TAT: variants seen among roughly 807,000 people sequenced by gnomAD.
TAT encodes the protein tyrosine aminotransferase.
Under a neutral mutation model 53.6 loss-of-function variants are expected in TAT, and 35 were observed. That is an observed-to-expected ratio of 0.65 (90% CI 0.50 to 0.87). The LOEUF (loss-of-function observed/expected upper bound fraction) is 0.87. Ranked by LOEUF, TAT falls within the 40% of genes least tolerant of loss-of-function variation. The probability of loss-of-function intolerance (pLI) is 0.00; values close to 1 mark genes in which losing one functional copy is unlikely to be tolerated. For synonymous variants in TAT, 197 were observed against 206.5 expected, an observed-to-expected ratio of 0.95 and a Z score of 0.39; for missense variants, 525 against 571.8, an observed-to-expected ratio of 0.92 and a Z score of 0.83.
In TAT at chr16:71,572,594, C is replaced by A; in HGVS notation, c.503G>T (p.Gly168Val). The change falls in exon 5 of 12, where the codon GGT (glycine) becomes GTT (valine). Residue 168 changes from glycine to valine, a missense_variant. Gly to Val is a moderately radical substitution (Grantham distance 109, BLOSUM62 -3). Transcript: ENST00000355962. ...PGQNILVPRP[G>V]FSLYKTLAES... Reference sequence around the variant, plus strand: ...AGCCAGAGTCTTGTAGAGAGAGAAACCAGGTCTTGGAACCAGGATGTTTTG... The same window carrying A: ...AGCCAGAGTCTTGTAGAGAGAGAAAACAGGTCTTGGAACCAGGATGTTTTG... The A allele has an allele frequency of 6.2e-7, 1 of 1,614,190 alleles. No homozygotes were observed. Among genetic ancestry groups the A allele is most frequent in the Non-Finnish European group, 8.5e-7 (1 of 1,180,034 alleles).
intron 7 of TAT, 28 bp downstream of exon 7, chr16:71,571,578 G>C: frequency 6.3e-7 from 1 of 1,595,312 alleles, no homozygotes; most frequent in Non-Finnish European, 8.6e-7. Context: ...TGAGATTACT[G>C]TAGTGATATA....
Position 71,571,653 on chromosome 16 carries a change from C to T in TAT, c.712G>A (p.Ala238Thr). 1 of 1,614,106 alleles carries T rather than the reference C, an allele frequency of 6.2e-7. No individual in the cohort carries two copies. Among genetic ancestry groups the T allele is most frequent in the Non-Finnish European group, 8.5e-7 (1 of 1,179,980 alleles). ...GCTAAGATGGGGACACACTGCCGTGCAGCCACTGAAAATAAAACATGCTGA... is the reference window on the plus strand; with the variant it reads ...GCTAAGATGGGGACACACTGCCGTGTAGCCACTGAAAATAAAACATGCTGA... ...RHLQKILAVA[A>T]RQCVPILADE... Residue 238 changes from alanine to threonine, a missense_variant, in exon 7 of 12, where the codon GCA becomes ACA. Physicochemically the swap from Ala to Thr is moderately conservative, Grantham distance 58. Transcript: ENST00000355962.
chr16:71,568,746 C>T lies in TAT; in HGVS notation c.1189G>A (p.Val397Ile). The T allele has an allele frequency of 6.2e-7, 1 of 1,614,048 alleles. No homozygotes were observed. The highest frequency in any genetic ancestry group is 8.5e-7 in the Non-Finnish European group (1 of 1,180,008). Residue 397 changes from valine to isoleucine, a missense_variant, in exon 11 of 12, where the codon GTT (valine) becomes ATT (isoleucine). By Grantham distance (29) the Val-to-Ile change is conservative. Transcript: ENST00000355962. Reference protein sequence around the residue: ...ENDVEFTERLVAEQSVHCLPA... With the variant: ...ENDVEFTERLIAEQSVHCLPA... ...AGGCAGTGGACAGACTGCTCAGCAA[C>T]TAACCGCTCCGTGAACTCCACATCG... is the stretch of plus-strand genomic sequence containing the variant.
At chr16:71,571,123 G>C (rs1241586098) in intron 7 of TAT, among the ~76,000 whole-genome samples, 1 of 152,152 alleles carries the variant, frequency 6.6e-6, no homozygotes, top group Non-Finnish European at 1.5e-5. Flanking sequence ...ACTGTCTATA[G>C]GAGTTACAGA....
chr16:71,570,428 T>C, intron 8 of TAT, 31 bp from the exon 9 acceptor site: 1 of 1,614,170 alleles, frequency 6.2e-7, no homozygotes, highest in Non-Finnish European at 8.5e-7. Flanking sequence ...ACATGTTGTT[T>C]AGCTTTTCTT....
intron 6 of TAT, 48 bp downstream of exon 6, chr16:71,572,138 G>A: frequency 6.2e-7 from 1 of 1,613,286 alleles, no homozygotes; most frequent in African/African-American, 1.3e-5. Context: ...CACAACAGCT[G>A]AAGGATTCTG....
intron 3 of TAT, among the ~76,000 whole-genome samples, chr16:71,574,581 C>CAAAA (rs71389677): frequency 4.5e-3 from 353 of 79,026 alleles, no homozygotes; most frequent in Middle Eastern, 7.4e-3. Flanking sequence ...AACTTCGTCT[C>CAAAA]AAAAAAAAAA....
At chr16:71,571,254 TC>T (rs905678792) in intron 7 of TAT, among the ~76,000 whole-genome samples, 2 of 152,174 alleles carry the variant, frequency 1.3e-5, no homozygotes, top group Non-Finnish European at 2.9e-5. Flanking sequence ...TATGTAACAC[TC>T]CCAGAGCTGT....
rs2044174746 is a variant in TAT, at chr16:71,567,870, GA to G, written c.*273del. 2 of 450,680 alleles carry G rather than the reference GA, an allele frequency of 4.4e-6. No homozygotes were observed. The highest frequency in any genetic ancestry group is 9.0e-5 in the East Asian group (2 of 22,300). 27.9% of individuals were successfully genotyped at this position (450,680 alleles called of 1,614,324 possible). ...AACTTTGTTCACCTGGTACTTTCAA[GA>G]AAAAAAGAAGGAAATCTTACGAGAG... On this transcript the variant is annotated 3_prime_UTR_variant, in exon 12 of 12. Coordinates refer to ENST00000355962, the MANE Select transcript of TAT (RefSeq NM_000353.3).
rs745902882 is a variant in TAT at position 71,568,824 on chromosome 16, G to A, written c.1126-15C>T. 18 of 1,603,004 alleles carry A rather than the reference G, an allele frequency of 1.1e-5. No homozygotes were observed. The highest frequency in any genetic ancestry group is 1.5e-5 in the Non-Finnish European group (17 of 1,170,736). ...TCAATTCCAACCTATACCAACAGGA[G>A]GGAGAGGCCAACTTATCAGAAGGAG... On this transcript the variant is annotated splice_polypyrimidine_tract_variant and intron_variant, in intron 10 of 11. Transcript: ENST00000355962.
intron 5 of TAT, 83 bp downstream of exon 5, chr16:71,572,447 C>T: frequency 6.2e-7 from 1 of 1,608,148 alleles, no homozygotes; most frequent in Non-Finnish European, 8.5e-7. Context: ...CACTTTGAGA[C>T]CTTCCTCTGC....
At position 71,576,008 on chromosome 16, in the gene TAT, C is replaced by T. The variant is rs748520456; in HGVS notation, c.254G>A (p.Gly85Glu). The part of the protein sequence containing the change: ...SLSIGDPTVF[G>E]NLPTDPEVTQ... ...AACTTCAGGGTCTGTAGGCAGGTTT[C>T]CAAACACAGTAGGGTCCCCTTTTTA... is the stretch of plus-strand genomic sequence containing the variant. Residue 85 changes from glycine (G) to glutamate (E), a missense_variant, in exon 3 of 12, where the codon GGA becomes GAA. Gly to Glu is a moderately conservative substitution (Grantham distance 98). Transcript: ENST00000355962. 2.5e-6 allele frequency: 4 copies of T among 1,614,106 alleles called. No individual in the cohort carries two copies. The highest frequency in any genetic ancestry group is 3.4e-6 in the Non-Finnish European group (4 of 1,180,030).
At position 71,571,653 on chromosome 16, in the gene TAT, C is replaced by A. The variant is rs752308214; in HGVS notation, c.712G>T (p.Ala238Ser). Residue 238 changes from alanine (A) to serine (S), a missense_variant, in exon 7 of 12, where the codon GCA becomes TCA. Physicochemically the swap from Ala to Ser is moderately conservative, Grantham distance 99. Coordinates refer to ENST00000355962, the MANE Select transcript of TAT (RefSeq NM_000353.3). ...RHLQKILAVAARQCVPILADE... is the reference protein window; with the variant it reads ...RHLQKILAVASRQCVPILADE... The stretch of plus-strand genomic sequence containing the variant: ...GCTAAGATGGGGACACACTGCCGTG[C>A]AGCCACTGAAAATAAAACATGCTGA... The A allele has an allele frequency of 6.2e-7, 1 of 1,614,106 alleles. No homozygotes were observed. The highest frequency in any genetic ancestry group is 1.1e-5 in the South Asian group (1 of 91,084).
At chr16:71,571,249 A>G (rs1046016912) in intron 7 of TAT, among the ~76,000 whole-genome samples, 1 of 152,196 alleles carries the variant, frequency 6.6e-6, no homozygotes, top group Non-Finnish European at 1.5e-5. Flanking sequence ...TACGTTATGT[A>G]ACACTCCCAG....
chr16:71,568,039 T>C lies in TAT; in HGVS notation c.*105A>G. 7.2e-7 allele frequency: 1 copy of C among 1,387,768 alleles called. No homozygotes were observed. The highest frequency in any genetic ancestry group is 1.2e-5 in the South Asian group (1 of 85,680). The allele number at this position is 1,387,768 out of a possible 1,614,324, so 86.0% of individuals were successfully genotyped here. A position where few individuals can be genotyped will look rare whatever the true frequency, so the allele number is the denominator to read the frequency against. On this transcript the variant is annotated 3_prime_UTR_variant, in exon 12 of 12. Coordinates refer to ENST00000355962, the MANE Select transcript of TAT (RefSeq NM_000353.3). ...AATCTTGAACCCTTGACATGGTGCA[T>C]TTGAGGCCCCTCTCCCAGTAGGGCC...
rs757389308 is a variant in TAT, at chr16:71,576,323, C to T, written c.93G>A (p.Pro31=). ...HVNVGGRSSV[P]GKMKGRKARW... is the part of the protein sequence containing the mutation. ...TGGCCTTTCTGCCTTTCATTTTTCC[C>T]GGCACAGAGCTTCTCCCACCAACGT... Residue 31 remains proline, a synonymous_variant, in exon 2 of 12, where the codon CCG becomes CCA. Coordinates refer to ENST00000355962, the MANE Select transcript of TAT (RefSeq NM_000353.3). The T allele has an allele frequency of 2.4e-5, 39 of 1,614,056 alleles. No homozygotes were observed. The highest frequency in any genetic ancestry group is 1.2e-4 in the African/African-American group (9 of 74,910).
At chr16:71,570,577 C>G (rs1423732977) in intron 8 of TAT, 102 bp downstream of exon 8, 2 of 1,583,484 alleles carry the variant, frequency 1.3e-6, no homozygotes, top group East Asian at 2.2e-5. Flanking sequence ...TGCTGCTTGA[C>G]TGACAAGGAG....
rs1228557322 is a variant in TAT at position 71,567,819 on chromosome 16, T to A, written c.*325A>T. On this transcript the variant is annotated 3_prime_UTR_variant, in exon 12 of 12. Coordinates refer to ENST00000355962, the MANE Select transcript of TAT (RefSeq NM_000353.3). ...CTTTTCCCTCATCCTGAGCTCTTAT[T>A]TTCTTGTCTCAACTGCTTTCTGGTA... The A allele has an allele frequency of 8.3e-6, 3 of 363,442 alleles. No individual in the cohort carries two copies. Among genetic ancestry groups the A allele is most frequent in the Non-Finnish European group, 1.6e-5 (3 of 190,402 alleles). The allele number at this position is 363,442 out of a possible 1,614,324, so 22.5% of individuals were successfully genotyped here.
chr16:71,574,340 G>A (rs986892756), intron 3 of TAT, among the ~76,000 whole-genome samples: 1 of 152,022 alleles, frequency 6.6e-6, no homozygotes, highest in Non-Finnish European at 1.5e-5. Flanking sequence ...CAGCACTTTG[G>A]GAGGCCAAGG....
Sources: gnomAD v4.1 joint callset for allele counts (sites outside exome capture counted in the v4.1 genomes callset) on GRCh38, gnomAD v4.1.1 for gene constraint, MANE v1.5 for transcripts, NCBI Gene and HGNC (gene_info 2026-07-23, HGNC 2026-07-21) for gene names.